MOSMO: variants seen among roughly 807,000 people sequenced by gnomAD.
MOSMO encodes modulator of smoothened protein.
In MOSMO, 5 loss-of-function variants were observed where a neutral mutation model predicts 18.4. The observed-to-expected ratio is 0.27, with a 90% CI of 0.14 to 0.57. The LOEUF (loss-of-function observed/expected upper bound fraction) is 0.57. Among genes scored for constraint, MOSMO ranks in the 20% least tolerant of loss-of-function variants. The pLI is 0.92. For missense variants in MOSMO, 138 were observed against 211.8 expected (o/e 0.65, Z 2.16); for synonymous variants, 82 against 82.3 (o/e 1.00, Z 0.02).
intron 1 of MOSMO, among the ~76,000 whole-genome samples, chr16:22,046,576 T>C (rs891530971): frequency 2.0e-5 from 3 of 152,182 alleles, no homozygotes; most frequent in Non-Finnish European, 4.4e-5. Flanking sequence ...CTAACACACA[T>C]ATTTTCTCTG....
At chr16:22,034,771 T>C (rs1204818427) in intron 1 of MOSMO, among the ~76,000 whole-genome samples, 2 of 142,760 alleles carry the variant, frequency 1.4e-5, no homozygotes, top group Non-Finnish European at 3.1e-5. Flanking sequence ...TTTTTTTTTT[T>C]TTTAAAGACA....
In MOSMO at chr16:22,081,204, T is replaced by C. The variant is rs1170313902; in HGVS notation, c.*324T>C. Reference sequence around the variant, plus strand: ...GGAGAATGCTTTATACCGAAAAGCATGTGGCCCTTTGTGACTCTGTTATTC... The same window carrying C: ...GGAGAATGCTTTATACCGAAAAGCACGTGGCCCTTTGTGACTCTGTTATTC... On this transcript the variant is annotated 3_prime_UTR_variant, in exon 3 of 3. Transcript: ENST00000542527. 1 of 158,560 alleles carries C rather than the reference T, an allele frequency of 6.3e-6. No homozygotes were observed. The highest frequency in any genetic ancestry group is 1.4e-5 in the Non-Finnish European group (1 of 71,900). 9.8% of individuals were successfully genotyped at this position (158,560 alleles called of 1,614,324 possible).
At chr16:22,023,885 C>G (rs1237733844) in intron 1 of MOSMO, among the ~76,000 whole-genome samples, 1 of 151,780 alleles carries the variant, frequency 6.6e-6, no homozygotes, top group African/African-American at 2.4e-5. Context: ...GTACTTACTC[C>G]TTTTCTGTGA....
At chr16:22,069,295 A>G (rs1900803458) in intron 1 of MOSMO, among the ~76,000 whole-genome samples, 1 of 152,214 alleles carries the variant, frequency 6.6e-6, no homozygotes, top group Non-Finnish European at 1.5e-5. Flanking sequence ...ATAAGGAGAT[A>G]TATGAATTAG....
chr16:22,067,177 G>A (rs1450816056), intron 1 of MOSMO, among the ~76,000 whole-genome samples: 1 of 152,146 alleles, frequency 6.6e-6, no homozygotes, highest in Non-Finnish European at 1.5e-5. Flanking sequence ...TATTGCATAT[G>A]AGGAACAGAA....
At chr16:22,080,563 A>G (rs901574331) in intron 2 of MOSMO, 133 bp from the exon 3 acceptor site, 17 of 541,936 alleles carry the variant, frequency 3.1e-5, no homozygotes, top group Non-Finnish European at 3.4e-5. Flanking sequence ...ATATATACAC[A>G]TTTTTAACAA....
intron 1 of MOSMO, among the ~76,000 whole-genome samples, chr16:22,018,750 G>T (rs1332363477): frequency 6.6e-6 from 1 of 152,132 alleles, no homozygotes; most frequent in Admixed American, 6.5e-5. Flanking sequence ...ACCAACATAT[G>T]CATAGGATCA....
chr16:22,036,557 C>T (rs998768938), intron 1 of MOSMO, among the ~76,000 whole-genome samples: 12 of 152,168 alleles, frequency 7.9e-5, no homozygotes, highest in African/African-American at 2.9e-4. Context: ...AAGTGATGCT[C>T]CTATCTCCGC....
chr16:22,054,185 C>T (rs1227867526), intron 1 of MOSMO, among the ~76,000 whole-genome samples: 1 of 151,948 alleles, frequency 6.6e-6, no homozygotes, highest in East Asian at 1.9e-4. Flanking sequence ...AGTCTCGATC[C>T]CCAGGGCTTA....
intron 1 of MOSMO, among the ~76,000 whole-genome samples, chr16:22,048,042 A>G (rs1366872058): frequency 6.6e-6 from 1 of 152,228 alleles, no homozygotes; most frequent in Non-Finnish European, 1.5e-5. Context: ...TAAGTCCTAA[A>G]GGCACATCAG....
At chr16:22,058,355 G>C (rs897260321) in intron 1 of MOSMO, among the ~76,000 whole-genome samples, 1 of 151,856 alleles carries the variant, frequency 6.6e-6, no homozygotes, top group African/African-American at 2.4e-5. Context: ...GAATCCAGGA[G>C]GCGGAGGTTG....
At chr16:22,056,056 T>C (rs181733401) in intron 1 of MOSMO, among the ~76,000 whole-genome samples, 151 of 152,236 alleles carry the variant, frequency 9.9e-4, no homozygotes, top group Admixed American at 2.2e-3. Flanking sequence ...CCAGTAAACC[T>C]AAAGGGACTA....
chr16:22,047,295 A>T (rs1598011802), intron 1 of MOSMO, among the ~76,000 whole-genome samples: 2 of 131,042 alleles, frequency 1.5e-5, no homozygotes, highest in Non-Finnish European at 3.1e-5. Flanking sequence ...CCAAGGCTGG[A>T]GTGCAGTGGC....
chr16:22,009,376 C>G (rs1415174680), intron 1 of MOSMO, among the ~76,000 whole-genome samples: 1 of 152,058 alleles, frequency 6.6e-6, no homozygotes, highest in Non-Finnish European at 1.5e-5. Flanking sequence ...GTGGTGCCCT[C>G]GGGAAAGAGG....
chr16:22,071,626 CT>C (rs1900854394), intron 1 of MOSMO, among the ~76,000 whole-genome samples: 1 of 152,154 alleles, frequency 6.6e-6, no homozygotes, highest in Non-Finnish European at 1.5e-5. Flanking sequence ...GATGACTTTC[CT>C]TTTGTGTGTT....
At chr16:22,062,003 T>G (rs1900653912) in intron 1 of MOSMO, among the ~76,000 whole-genome samples, 1 of 152,296 alleles carries the variant, frequency 6.6e-6, no homozygotes, top group Middle Eastern at 3.4e-3. Context: ...TCTCCAAAGC[T>G]CTCCACTCTT....
intron 1 of MOSMO, among the ~76,000 whole-genome samples, chr16:22,060,113 G>A (rs1900612716): frequency 6.6e-6 from 1 of 152,180 alleles, no homozygotes; most frequent in Admixed American, 6.5e-5. Context: ...GGAGGCTGGG[G>A]TTGCAGTGAG....
At chr16:22,060,589 C>G (rs1435630966) in intron 1 of MOSMO, among the ~76,000 whole-genome samples, 1 of 152,024 alleles carries the variant, frequency 6.6e-6, no homozygotes, top group Non-Finnish European at 1.5e-5. Flanking sequence ...AATAGTACAG[C>G]TGGCCGGGCA....
intron 1 of MOSMO, among the ~76,000 whole-genome samples, chr16:22,072,897 A>T (rs1900887113): frequency 6.6e-6 from 1 of 152,084 alleles, no homozygotes; most frequent in South Asian, 2.1e-4. Context: ...TCTAGAATAG[A>T]GCTGCTATTT....
Sources: gnomAD v4.1 joint callset for allele counts (sites outside exome capture counted in the v4.1 genomes callset) on GRCh38, gnomAD v4.1.1 for gene constraint, MANE v1.5 for transcripts, NCBI Gene and HGNC (gene_info 2026-07-23, HGNC 2026-07-21) for gene names.